Variants in FHIT observed in about 807,000 individuals in gnomAD.
FHIT encodes bis(5'-adenosyl)-triphosphatase.
In FHIT, 19 loss-of-function variants were observed where a neutral mutation model predicts 17.9. The observed-to-expected ratio is 1.06, with a 90% confidence interval of 0.74 to 1.56. The LOEUF is 1.56. FHIT is among the 40% of genes most tolerant of loss of function. FHIT has a pLI of 0.00. For synonymous variants in FHIT, 81 were observed against 69.7 expected (o/e 1.16, Z -0.81); for missense variants, 248 against 189.2 (o/e 1.31, Z -1.82).
intron 5 of FHIT, among the ~76,000 whole-genome samples, chr3:60,088,962 T>C (rs917560719): frequency 2.6e-5 from 4 of 152,218 alleles, no homozygotes; most frequent in Admixed American, 2.0e-4. Context: ...CAAGGGTATA[T>C]GCTTTTAGGC....
chr3:60,882,099 G>C (rs146202648), intron 3 of FHIT, among the ~76,000 whole-genome samples: 1 of 152,100 alleles, frequency 6.6e-6, no homozygotes, highest in African/African-American at 2.4e-5. Context: ...TTAGAGACTA[G>C]TACAAACAAC....
At chr3:59,892,269 C>T (rs914006894) in intron 8 of FHIT, among the ~76,000 whole-genome samples, 2 of 152,178 alleles carry the variant, frequency 1.3e-5, no homozygotes, top group Non-Finnish European at 1.5e-5. Flanking sequence ...TGACAAATTG[C>T]GCTCAGGAGT....
chr3:60,863,142 C>T (rs1448092360), intron 3 of FHIT, among the ~76,000 whole-genome samples: 3 of 152,230 alleles, frequency 2.0e-5, no homozygotes, highest in Middle Eastern at 3.4e-3. Flanking sequence ...TAAGATGAAT[C>T]ATTGATGGTT....
intron 5 of FHIT, among the ~76,000 whole-genome samples, chr3:60,428,763 G>A (rs1280410045): frequency 6.6e-6 from 1 of 152,086 alleles, no homozygotes; most frequent in African/African-American, 2.4e-5. Flanking sequence ...AGTCCCTTGG[G>A]ACATAAATGT....
intron 1 of FHIT, among the ~76,000 whole-genome samples, chr3:61,212,346 G>A (rs1433289915): frequency 6.6e-6 from 1 of 152,232 alleles, no homozygotes; most frequent in Non-Finnish European, 1.5e-5. Flanking sequence ...CGAGAACTAC[G>A]TGAAGAATGC....
At chr3:59,917,674 G>C (rs527330392) in intron 8 of FHIT, among the ~76,000 whole-genome samples, 2 of 152,200 alleles carry the variant, frequency 1.3e-5, no homozygotes, top group Non-Finnish European at 2.9e-5. Context: ...AGCTTCAGCA[G>C]ACAATCTGCT....
intron 5 of FHIT, among the ~76,000 whole-genome samples, chr3:60,137,842 AT>A (rs982239028): frequency 6.6e-6 from 1 of 151,760 alleles, no homozygotes; most frequent in Non-Finnish European, 1.5e-5. Flanking sequence ...GTAAATGAAT[AT>A]TTAAGCAACA....
At chr3:60,957,897 C>G (rs1709246231) in intron 3 of FHIT, among the ~76,000 whole-genome samples, 1 of 151,938 alleles carries the variant, frequency 6.6e-6, no homozygotes, top group South Asian at 2.1e-4. Context: ...TCCTCCTTCT[C>G]TGTTCTTAAC....
chr3:60,799,302 G>A lies in FHIT; in HGVS notation c.-18+22617C>T, dbSNP rs186301526. ...CGATTCTCCTGCCTCAGCCTCCCAC[G>A]TAGCTGGGATCACGGGCATGTGCCA... On this transcript the variant is annotated intron_variant, in intron 4 of 9. Transcript: ENST00000492590. Among the ~76,000 whole-genome samples the A allele has an allele frequency of 7.1e-3, 1,083 of 152,262 alleles. 5 individuals are homozygous for A. The highest frequency in any genetic ancestry group is 0.025 in the African/African-American group (1,048 of 41,552).
intron 5 of FHIT, among the ~76,000 whole-genome samples, chr3:60,513,378 A>G (rs1028430693): frequency 1.3e-5 from 2 of 152,196 alleles, no homozygotes; most frequent in African/African-American, 4.8e-5. Context: ...TTTCTCACTT[A>G]CAGTAAAAAT....
chr3:60,945,753 G>T (rs1256627866), intron 3 of FHIT, among the ~76,000 whole-genome samples: 2 of 152,174 alleles, frequency 1.3e-5, no homozygotes, highest in African/African-American at 4.8e-5. Context: ...GAGAAAATAA[G>T]GTAGTTTCTT....
intron 8 of FHIT, among the ~76,000 whole-genome samples, chr3:59,788,724 A>G (rs1699415580): frequency 6.6e-6 from 1 of 152,040 alleles, no homozygotes; most frequent in South Asian, 2.1e-4. Flanking sequence ...CTGTTGGTAG[A>G]AGAATTTGCA....
At chr3:61,174,254 G>A (rs987206621) in intron 2 of FHIT, among the ~76,000 whole-genome samples, 6 of 152,152 alleles carry the variant, frequency 3.9e-5, no homozygotes, top group Non-Finnish European at 8.8e-5. Context: ...TATAAAATCT[G>A]CATCCATTGC....
intron 8 of FHIT, among the ~76,000 whole-genome samples, chr3:59,779,751 C>A (rs1383812160): frequency 1.3e-5 from 2 of 152,162 alleles, no homozygotes; most frequent in Non-Finnish European, 2.9e-5. Context: ...TTTTCCTTCA[C>A]CTCCATTTTG....
At chr3:60,693,472 T>C (rs2107890871) in intron 4 of FHIT, among the ~76,000 whole-genome samples, 1 of 152,280 alleles carries the variant, frequency 6.6e-6, no homozygotes, top group South Asian at 2.1e-4. Flanking sequence ...ACCAAGTAGA[T>C]ATTTCTCTAC....
intron 4 of FHIT, among the ~76,000 whole-genome samples, chr3:60,614,970 C>G (rs1457373126): frequency 2.6e-5 from 4 of 151,742 alleles, no homozygotes; most frequent in Admixed American, 2.6e-4. Context: ...GCTGGGACTA[C>G]AGGCGCCCAC....
intron 4 of FHIT, among the ~76,000 whole-genome samples, chr3:60,735,929 G>C (rs998299611): frequency 5.9e-5 from 9 of 152,248 alleles, no homozygotes; most frequent in Admixed American, 3.3e-4. Context: ...CCTCATGCAG[G>C]TACCCTAATA....
chr3:60,215,348 G>A (rs1208826539), intron 5 of FHIT, among the ~76,000 whole-genome samples: 1 of 151,870 alleles, frequency 6.6e-6, no homozygotes, highest in Non-Finnish European at 1.5e-5. Context: ...GCATGGTGGT[G>A]CACACCTGTA....
At chr3:60,712,249 G>GT (rs1170275445) in intron 4 of FHIT, among the ~76,000 whole-genome samples, 1 of 152,124 alleles carries the variant, frequency 6.6e-6, no homozygotes, top group Non-Finnish European at 1.5e-5. Flanking sequence ...TCACCACCAG[G>GT]CTGCCCTAAA....
Sources: allele counts gnomAD v4.1 joint callset (sites outside exome capture counted in the v4.1 genomes callset), GRCh38; gene constraint gnomAD v4.1.1; transcripts MANE v1.5; gene names NCBI Gene and HGNC (gene_info 2026-07-23, HGNC 2026-07-21).